Variants in TPRG1 observed in about 807,000 individuals in gnomAD.
TPRG1 encodes the protein tumor protein p63-regulated gene 1 protein.
TPRG1 carries 29 observed loss-of-function variants against 29.3 expected under a neutral mutation model. That is an observed-to-expected ratio of 0.99 (90% CI 0.74 to 1.35). The LOEUF is 1.35. Ranked by LOEUF, TPRG1 falls within the 40% of genes most tolerant of loss-of-function variation. The probability of loss-of-function intolerance (pLI) is 0.00; values close to 1 mark genes in which losing one functional copy is unlikely to be tolerated. For synonymous variants in TPRG1, 130 were observed against 116.8 expected, an observed-to-expected ratio of 1.11 and a Z score of -0.73; for missense variants, 327 against 335.0, an observed-to-expected ratio of 0.98 and a Z score of 0.19.
chr3:189,279,591 T>G (rs1218596419), intron 4 of TPRG1, among the ~76,000 whole-genome samples: 1 of 152,222 alleles, frequency 6.6e-6, no homozygotes. Flanking sequence ...TCTCAAGGGT[T>G]GTTGTGAGGA....
At chr3:189,300,397 G>T (rs946168806) in intron 4 of TPRG1, among the ~76,000 whole-genome samples, 1 of 152,156 alleles carries the variant, frequency 6.6e-6, no homozygotes, top group Non-Finnish European at 1.5e-5. Flanking sequence ...TCTTAAATAT[G>T]CAGGTTATCA....
At chr3:189,051,711 T>A (rs1248748504) in intron 4 of TPRG1, among the ~76,000 whole-genome samples, 1 of 152,168 alleles carries the variant, frequency 6.6e-6, no homozygotes, top group Non-Finnish European at 1.5e-5. Flanking sequence ...AAGACCATAG[T>A]CACCAAAACA....
Position 189,302,409 on chromosome 3 carries a change from G to C in TPRG1, c.480-7977G>C, listed in dbSNP as rs1301194951. Reference sequence around the variant, plus strand: ...TTTCTATGAAGGATTTACTTAAAATGTTCCCACTTAAATTAATTATTCATT... The same window carrying C: ...TTTCTATGAAGGATTTACTTAAAATCTTCCCACTTAAATTAATTATTCATT... On this transcript the variant is annotated intron_variant, in intron 4 of 5. Transcript: ENST00000345063. 2.0e-5 allele frequency among the ~76,000 whole-genome samples: 3 copies of C among 152,174 alleles called. No homozygotes were observed. In the East Asian group the frequency reaches 5.8e-4, roughly 29 times the overall value.
chr3:189,010,269 G>T (rs1712528509), intron 3 of TPRG1, among the ~76,000 whole-genome samples: 1 of 152,032 alleles, frequency 6.6e-6, no homozygotes, highest in African/African-American at 2.4e-5. Context: ...CTTAATAATA[G>T]AAAAATTTAT....
chr3:189,261,602 T>A (rs1713063618), intron 4 of TPRG1, among the ~76,000 whole-genome samples: 1 of 152,186 alleles, frequency 6.6e-6, no homozygotes, highest in East Asian at 1.9e-4. Flanking sequence ...ACATAGCCTC[T>A]GCCACCAAGA....
At chr3:189,035,067 T>C (rs1209212237) in intron 4 of TPRG1, among the ~76,000 whole-genome samples, 1 of 152,092 alleles carries the variant, frequency 6.6e-6, no homozygotes, top group African/African-American at 2.4e-5. Context: ...CAAAACAGCA[T>C]GGTACTAGTA....
At position 189,282,215 on chromosome 3, in the gene TPRG1, CAAAAAA is replaced by C. The variant is rs577174841; in HGVS notation, c.480-28159_480-28154del. Among the ~76,000 whole-genome samples the C allele has an allele frequency of 4.3e-4, 41 of 94,714 alleles. 2 individuals are homozygous for C. Among genetic ancestry groups the C allele is most frequent in the African/African-American group, 1.8e-3 (40 of 22,092 alleles). The allele number at this position is 94,714 out of a possible 152,430, so 62.1% of individuals were successfully genotyped here. A position where few individuals can be genotyped will look rare whatever the true frequency, so the allele number is the denominator to read the frequency against. Reference sequence around the variant, plus strand: ...TGTCAGTAGGCATAATAGTCCTTTCCAAAAAAAAAAAAAAAAAGGCAGCAGCATAGG... The same window carrying C: ...TGTCAGTAGGCATAATAGTCCTTTCCAAAAAAAAAAAGGCAGCAGCATAGG... On this transcript the variant is annotated intron_variant, in intron 4 of 5. Transcript: ENST00000345063.
intron 2 of TPRG1, among the ~76,000 whole-genome samples, chr3:189,130,962 G>C (rs1356806539): frequency 6.6e-6 from 1 of 152,102 alleles, no homozygotes; most frequent in Non-Finnish European, 1.5e-5. Context: ...CAAAACTTCT[G>C]ATTATGAGAT....
chr3:189,266,229 G>T (rs1714057343), intron 4 of TPRG1, among the ~76,000 whole-genome samples: 1 of 152,308 alleles, frequency 6.6e-6, no homozygotes, highest in African/African-American at 2.4e-5. Flanking sequence ...GACTGCCATA[G>T]GTGTTCCAAA....
At chr3:189,056,707 G>A (rs1305252104) in intron 4 of TPRG1, among the ~76,000 whole-genome samples, 1 of 152,148 alleles carries the variant, frequency 6.6e-6, no homozygotes. Context: ...GGGTTCAGAT[G>A]ATGCTAACTG....
chr3:189,202,648 G>T (rs1377949503), intron 1 of TPRG1, among the ~76,000 whole-genome samples: 1 of 152,026 alleles, frequency 6.6e-6, no homozygotes, highest in Admixed American at 6.6e-5. Context: ...TGTTTTAAAA[G>T]AAAGTAAAAT....
At chr3:189,079,269 G>A (rs73053417) in intron 4 of TPRG1, among the ~76,000 whole-genome samples, 2,617 of 152,108 alleles carry the variant, frequency 0.017, 73 homozygotes, top group African/African-American at 0.059. Context: ...ACATGACCCC[G>A]ACACCTCCCA....
At chr3:189,203,531 A>G (rs1011964561) in intron 1 of TPRG1, among the ~76,000 whole-genome samples, 2 of 152,222 alleles carry the variant, frequency 1.3e-5, no homozygotes, top group African/African-American at 4.8e-5. Context: ...AAGAAGATAC[A>G]ACTGTTAATC....
In TPRG1 at chr3:189,116,320, G is replaced by A. The variant is rs151041226; in HGVS notation, c.-743-10737G>A. ...GCCTCCTGAGTAGCTGGGATTGCAG[G>A]CGTCCACCACCATGCCCGGCTAATT... On this transcript the variant is annotated intron_variant, in intron 1 of 6. Transcript: ENST00000412373. 1.1e-4 allele frequency among the ~76,000 whole-genome samples: 16 copies of A among 152,148 alleles called. No individual in the cohort carries two copies. The East Asian group carries it at 3.1e-3, about 29-fold the overall frequency.
At chr3:189,258,160 G>A (rs991915015) in intron 4 of TPRG1, among the ~76,000 whole-genome samples, 2 of 151,056 alleles carry the variant, frequency 1.3e-5, no homozygotes, top group African/African-American at 4.9e-5. Context: ...GGTCTTTGCT[G>A]TTGGTGACCT....
At chr3:189,156,650 T>C (rs1276610810) in intron 5 of TPRG1, among the ~76,000 whole-genome samples, 2 of 152,206 alleles carry the variant, frequency 1.3e-5, no homozygotes, top group Non-Finnish European at 2.9e-5. Flanking sequence ...TCATGGGAGA[T>C]GCACCAGCTT....
chr3:189,180,555 T>A (rs1286491688), intron 1 of TPRG1, among the ~76,000 whole-genome samples: 1 of 152,150 alleles, frequency 6.6e-6, no homozygotes, highest in Non-Finnish European at 1.5e-5. Flanking sequence ...ACTCTTAAAG[T>A]TCCAGAATGA....
chr3:189,057,479 C>T (rs1296873868), intron 4 of TPRG1, among the ~76,000 whole-genome samples: 2 of 148,650 alleles, frequency 1.3e-5, no homozygotes, highest in East Asian at 3.9e-4. Context: ...AGAGGATTTG[C>T]TTCTTACAGA....
At chr3:189,052,135 A>G (rs1054877878) in intron 4 of TPRG1, among the ~76,000 whole-genome samples, 2 of 152,262 alleles carry the variant, frequency 1.3e-5, no homozygotes, top group African/African-American at 2.4e-5. Context: ...CGGCAAAAGG[A>G]ACAGTCAGCA....
Sources: gnomAD v4.1 joint callset for allele counts (sites outside exome capture counted in the v4.1 genomes callset) on GRCh38, gnomAD v4.1.1 for gene constraint, MANE v1.5 for transcripts, NCBI Gene and HGNC (gene_info 2026-07-23, HGNC 2026-07-21) for gene names.